The following IPCEF1 variants were observed in gnomAD, a reference collection of about 807,000 sequenced individuals.
IPCEF1 encodes interactor protein for cytohesin exchange factors 1.
In IPCEF1, 31 loss-of-function variants were observed where a neutral mutation model predicts 50.9. The observed-to-expected ratio is 0.61, with a 90% CI of 0.46 to 0.82. The LOEUF (loss-of-function observed/expected upper bound fraction) is 0.82. IPCEF1 is among the 40% of genes least tolerant of loss of function. IPCEF1 has a pLI of 0.00. For missense variants in IPCEF1, 458 were observed against 514.0 expected (o/e 0.89, Z 1.05); for synonymous variants, 181 against 192.0 (o/e 0.94, Z 0.47).
intron 1 of IPCEF1, among the ~76,000 whole-genome samples, chr6:154,306,238 C>A (rs1348591033): frequency 6.6e-6 from 1 of 152,160 alleles, no homozygotes; most frequent in Non-Finnish European, 1.5e-5. Context: ...CTATCCAGAA[C>A]CCCCTACCTT....
intron 5 of IPCEF1, among the ~76,000 whole-genome samples, chr6:154,231,625 T>C (rs1046793848): frequency 1.3e-5 from 2 of 152,260 alleles, no homozygotes; most frequent in African/African-American, 2.4e-5. Context: ...ATATATTTAA[T>C]GTGCTAATTT....
intron 1 of IPCEF1, among the ~76,000 whole-genome samples, chr6:154,349,862 A>G (rs1045696326): frequency 2.0e-5 from 3 of 152,216 alleles, no homozygotes; most frequent in African/African-American, 7.2e-5. Context: ...GAGGAGAAAA[A>G]AGATATTTTT....
chr6:154,316,661 A>ATTT, intron 1 of IPCEF1, among the ~76,000 whole-genome samples: 1 of 152,198 alleles, frequency 6.6e-6, no homozygotes, highest in Non-Finnish European at 1.5e-5. Context: ...AAGTTCAATG[A>ATTT]AACAGGAGAA....
intron 1 of IPCEF1, among the ~76,000 whole-genome samples, chr6:154,333,603 T>C (rs1783721898): frequency 6.9e-6 from 1 of 145,254 alleles, no homozygotes; most frequent in African/African-American, 2.5e-5. Flanking sequence ...CATATATATG[T>C]ATACAAGTAT....
chr6:154,318,020 C>T (rs1292827521), intron 1 of IPCEF1, among the ~76,000 whole-genome samples: 1 of 152,144 alleles, frequency 6.6e-6, no homozygotes, highest in Non-Finnish European at 1.5e-5. Flanking sequence ...CAAAATACTA[C>T]TGATAATTTA....
chr6:154,317,597 C>CA (rs1355868344), intron 1 of IPCEF1, among the ~76,000 whole-genome samples: 1 of 66,076 alleles, frequency 1.5e-5, no homozygotes, highest in African/African-American at 5.5e-5. Flanking sequence ...AGACACTTAA[C>CA]AAAAAAATGT....
chr6:154,259,172 T>C (rs987567480), intron 3 of IPCEF1, among the ~76,000 whole-genome samples: 2 of 152,198 alleles, frequency 1.3e-5, no homozygotes, highest in Non-Finnish European at 2.9e-5. Context: ...CCCCATAGGA[T>C]TGACTGACAT....
At chr6:154,217,863 C>A (rs980780215) in intron 7 of IPCEF1, among the ~76,000 whole-genome samples, 6 of 152,042 alleles carry the variant, frequency 3.9e-5, no homozygotes, top group African/African-American at 1.4e-4. Context: ...GTGTCTGAAA[C>A]AAGAAAAGGC....
At chr6:154,260,252 G>A (rs1467482840) in intron 3 of IPCEF1, among the ~76,000 whole-genome samples, 8 of 152,154 alleles carry the variant, frequency 5.3e-5, no homozygotes, top group Admixed American at 5.2e-4. Flanking sequence ...CACATCCACT[G>A]ACCGTTTCCT....
intron 1 of IPCEF1, among the ~76,000 whole-genome samples, chr6:154,322,373 A>AGC (rs557709901): frequency 8.1e-6 from 1 of 123,720 alleles, no homozygotes; most frequent in African/African-American, 2.7e-5. Flanking sequence ...AAAAATTTTA[A>AGC]ACACACACAC....
rs527456882 is a variant in IPCEF1 at position 154,214,761 on chromosome 6, ATTTAACAGGTATT to A, written c.393-498_393-486del. Among the ~76,000 whole-genome samples, 12 of 152,370 alleles carry A rather than the reference ATTTAACAGGTATT, an allele frequency of 7.9e-5. 1 individual carries two copies. In the South Asian group the frequency reaches 2.3e-3, roughly 29 times the overall value. On this transcript the variant is annotated intron_variant, in intron 7 of 11. Transcript: ENST00000367220. ...AATCAGTAAAAAAAATCTGGCTAGA[ATTTAACAGGTATT>A]TTTAAACTAGAACAAATTTTAATTC...
At position 154,193,029 on chromosome 6, in the gene IPCEF1, C is replaced by T. The variant is rs12663782; in HGVS notation, c.910+6639G>A. Among the ~76,000 whole-genome samples, 411 of 152,232 alleles carry T rather than the reference C, an allele frequency of 2.7e-3. 6 individuals carry two copies. The highest frequency in any genetic ancestry group is 6.8e-3 in the East Asian group (35 of 5,182). ...AATCCCACTACTGGATATCTACTCA[C>T]AGGAAAAGAAGTCATTATACGAAGA... is the stretch of plus-strand genomic sequence containing the variant. On this transcript the variant is annotated intron_variant, in intron 10 of 11. Coordinates refer to ENST00000367220, the MANE Select transcript of IPCEF1 (RefSeq NM_001130700.2).
At position 154,222,952 on chromosome 6, in the gene IPCEF1, G is replaced by A. The variant is rs1011850230; in HGVS notation, c.320+218C>T. On this transcript the variant is annotated intron_variant, in intron 6 of 11. Transcript: ENST00000367220. ...ACAACAGTCCATGCCAAGACTTCGT[G>A]GGGGTTTTAAAATCCATCTGCTCCA... 1.7e-4 allele frequency: 100 copies of A among 580,016 alleles called. No homozygotes were observed. In the Admixed American group the frequency reaches 2.9e-3, roughly 17 times the overall value. 35.9% of individuals were successfully genotyped at this position (580,016 alleles called of 1,614,324 possible). A position where few individuals can be genotyped will look rare whatever the true frequency, so the allele number is the denominator to read the frequency against.
At chr6:154,283,632 A>G (rs751750055) in intron 2 of IPCEF1, among the ~76,000 whole-genome samples, 2 of 152,164 alleles carry the variant, frequency 1.3e-5, no homozygotes, top group South Asian at 2.1e-4. Context: ...TTTTAAAAAG[A>G]TGTACATTTG....
chr6:154,320,029 T>C (rs938226321), intron 1 of IPCEF1, among the ~76,000 whole-genome samples: 1 of 152,196 alleles, frequency 6.6e-6, no homozygotes, highest in Non-Finnish European at 1.5e-5. Flanking sequence ...AATATTCCCT[T>C]CCGAGCACTA....
chr6:154,159,542 T>A lies in IPCEF1; in HGVS notation c.*286A>T. ...GAGCAATGAACAGAAGAGACATTTC[T>A]CACATCCCCCCTAGAGCCCCACATC... On this transcript the variant is annotated 3_prime_UTR_variant, in exon 12 of 12. Coordinates refer to ENST00000367220, the MANE Select transcript of IPCEF1 (RefSeq NM_001130700.2). The A allele has an allele frequency of 2.4e-6, 1 of 414,774 alleles. No individual in the cohort carries two copies. Among genetic ancestry groups the A allele is most frequent in the Non-Finnish European group, 4.3e-6 (1 of 234,018 alleles). 25.7% of individuals were successfully genotyped at this position (414,774 alleles called of 1,614,324 possible). A position where few individuals can be genotyped will look rare whatever the true frequency, so the allele number is the denominator to read the frequency against.
chr6:154,260,009 C>T lies in IPCEF1; in HGVS notation c.36+5903G>A, dbSNP rs114215661. Among the ~76,000 whole-genome samples the T allele has an allele frequency of 3.0e-3, 450 of 152,280 alleles. 2 individuals carry two copies. The highest frequency in any genetic ancestry group is 0.01 in the African/African-American group (433 of 41,550). ...CTCCCTGCAGTTCACACGACGAGCA[C>T]GGAGATGGAGTGAGCGGTGAGACAT... is the stretch of plus-strand genomic sequence containing the variant. On this transcript the variant is annotated intron_variant, in intron 3 of 11. Transcript: ENST00000367220.
chr6:154,323,149 G>C (rs1250349660), intron 1 of IPCEF1, among the ~76,000 whole-genome samples: 1 of 152,020 alleles, frequency 6.6e-6, no homozygotes, highest in African/African-American at 2.4e-5. Context: ...CCAACTCCCA[G>C]CATCTGAGTC....
chr6:154,291,685 T>C (rs1267080228), intron 1 of IPCEF1, among the ~76,000 whole-genome samples: 1 of 144,522 alleles, frequency 6.9e-6, no homozygotes, highest in Non-Finnish European at 1.5e-5. Context: ...GAAAGGTTTT[T>C]TTTTTTTTTT....
Sources: allele counts gnomAD v4.1 joint callset (sites outside exome capture counted in the v4.1 genomes callset), GRCh38; gene constraint gnomAD v4.1.1; transcripts MANE v1.5; gene names NCBI Gene and HGNC (gene_info 2026-07-23, HGNC 2026-07-21).